The following ATL3 variants were observed in gnomAD, a reference collection of about 807,000 sequenced individuals.
The protein encoded by ATL3 is atlastin-3.
In ATL3, 49 loss-of-function variants were observed where a neutral mutation model predicts 69.5. The observed-to-expected ratio is 0.71, with a 90% CI of 0.56 to 0.89. ATL3 has a LOEUF of 0.89. Among genes scored for constraint, ATL3 ranks in the 40% least tolerant of loss-of-function variants. The pLI is 0.00. For missense variants in ATL3, 606 were observed against 645.7 expected (o/e 0.94, Z 0.67); for synonymous variants, 214 against 224.1 (o/e 0.95, Z 0.40).
intron 1 of ATL3, among the ~76,000 whole-genome samples, chr11:63,660,504 T>C (rs1299350328): frequency 6.6e-6 from 1 of 152,162 alleles, no homozygotes; most frequent in Non-Finnish European, 1.5e-5. Flanking sequence ...TTCAAAAAAC[T>C]GTTTGGCTGT....
At position 63,632,474 on chromosome 11, in the gene ATL3, T is replaced by C; in HGVS notation, c.1107+552A>G. ...CCAACATCAAATATTTGTAAAAGAG[T>C]AACTGGTTTGGAAGGAGACAAAATC... is the stretch of plus-strand genomic sequence containing the variant. On this transcript the variant is annotated intron_variant, in intron 11 of 12. Coordinates refer to ENST00000398868, the MANE Select transcript of ATL3 (RefSeq NM_015459.5). 7.0e-6 allele frequency: 6 copies of C among 852,644 alleles called. No homozygotes were observed. The South Asian group carries it at 7.9e-5, about 11-fold the overall frequency. 52.8% of individuals were successfully genotyped at this position (852,644 alleles called of 1,614,324 possible).
chr11:63,625,537 T>C lies in ATL3; in HGVS notation c.*3782A>G, dbSNP rs1000943878. On this transcript the variant is annotated 3_prime_UTR_variant, in exon 13 of 13. Transcript: ENST00000398868. ...ACTTAATTTTGCTATAACTCATACA[T>C]ACATACATACTTATCCAAACTCACC... is the stretch of plus-strand genomic sequence containing the variant. The C allele has an allele frequency of 6.6e-6, 1 of 152,224 alleles. No individual in the cohort carries two copies. The highest frequency in any genetic ancestry group is 1.5e-5 in the Non-Finnish European group (1 of 68,044). 9.4% of individuals were successfully genotyped at this position (152,224 alleles called of 1,614,324 possible).
intron 3 of ATL3, among the ~76,000 whole-genome samples, chr11:63,655,458 T>TC (rs1234847878): frequency 6.6e-6 from 1 of 151,356 alleles, no homozygotes; most frequent in East Asian, 1.9e-4. Context: ...GCCTTTTTTT[T>TC]TTTTTTTAGA....
intron 1 of ATL3, 112 bp from the exon 2 acceptor site, chr11:63,659,364 T>C: frequency 1.2e-6 from 1 of 838,824 alleles, no homozygotes; most frequent in Non-Finnish European, 1.9e-6. Context: ...CAATGGCTCA[T>C]GCCTATAATC....
At chr11:63,644,128 T>C (rs774479470) in intron 7 of ATL3, 41 bp downstream of exon 7, 1 of 1,328,944 alleles carries the variant, frequency 7.5e-7, no homozygotes, top group East Asian at 2.3e-5. Flanking sequence ...AAGCTATCAC[T>C]ACTTTGAGAT....
chr11:63,657,323 G>A (rs575959064), intron 3 of ATL3, among the ~76,000 whole-genome samples: 2 of 151,888 alleles, frequency 1.3e-5, no homozygotes, highest in African/African-American at 4.8e-5. Context: ...TACCCCTCCC[G>A]ATCCTTACAA....
intron 5 of ATL3, among the ~76,000 whole-genome samples, chr11:63,649,103 C>T (rs1939985621): frequency 2.0e-5 from 3 of 151,952 alleles, no homozygotes; most frequent in African/African-American, 7.3e-5. Context: ...CCAGCCTGGG[C>T]AACTGAGGGA....
At chr11:63,648,477 G>A (rs1250388679) in intron 5 of ATL3, among the ~76,000 whole-genome samples, 4 of 152,164 alleles carry the variant, frequency 2.6e-5, no homozygotes, top group African/African-American at 9.7e-5. Flanking sequence ...ATTGTTAGTG[G>A]CTCTCTCTTA....
At chr11:63,638,828 A>G (rs1312647904) in intron 8 of ATL3, among the ~76,000 whole-genome samples, 2 of 152,218 alleles carry the variant, frequency 1.3e-5, no homozygotes. Flanking sequence ...GCAGGCATCT[A>G]CCTCTAAATA....
At chr11:63,671,390 G>A (rs755629363), upstream of ATL3, 1 of 1,541,530 alleles carries the variant, frequency 6.5e-7, no homozygotes, top group Non-Finnish European at 8.7e-7. Flanking sequence ...AGGGACGGGT[G>A]CGGGCGGGAA....
intron 10 of ATL3, 126 bp downstream of exon 10, chr11:63,635,408 T>G: frequency 1.2e-6 from 1 of 800,360 alleles, no homozygotes; most frequent in Non-Finnish European, 2.0e-6. Context: ...AAAAAAAAAT[T>G]AACAGACCTC....
At chr11:63,643,671 C>T (rs1159223572) in intron 7 of ATL3, among the ~76,000 whole-genome samples, 176 bp from the exon 8 acceptor site, 1 of 152,112 alleles carries the variant, frequency 6.6e-6, no homozygotes, top group African/African-American at 2.4e-5. Context: ...TTACCTACGG[C>T]TTGACTCCTA....
intron 1 of ATL3, 100 bp from the exon 2 acceptor site, chr11:63,659,352 C>T: frequency 1.1e-6 from 1 of 934,552 alleles, no homozygotes; most frequent in East Asian, 2.6e-5. Flanking sequence ...CAGGGCCAGG[C>T]TCAATGGCTC....
rs769916347 is a variant in ATL3 at position 63,659,164 on chromosome 11, G to A, written c.135C>T (p.Ala45=). Residue 45 remains alanine, a synonymous_variant, in exon 2 of 13, where the codon GCC becomes GCT. Coordinates refer to ENST00000398868, the MANE Select transcript of ATL3 (RefSeq NM_015459.5). ...GGTCCTGCAAGAGGATGCTGGCCAA[G>A]GCTTTCTCATCTAGCTCAAAGGAAT... ...DQHSFELDEK[A]LASILLQDHI... is the part of the protein sequence containing the mutation. The A allele has an allele frequency of 1.2e-6, 2 of 1,614,048 alleles. No individual in the cohort carries two copies. The highest frequency in any genetic ancestry group is 2.2e-5 in the South Asian group (2 of 91,086).
At chr11:63,661,502 G>T (rs948700271) in intron 1 of ATL3, among the ~76,000 whole-genome samples, 9 of 152,138 alleles carry the variant, frequency 5.9e-5, no homozygotes, top group Admixed American at 2.6e-4. Flanking sequence ...CTAGCACTTA[G>T]AGAAGCTGAG....
Position 63,627,864 on chromosome 11 carries a change from G to C in ATL3, c.*1455C>G, listed in dbSNP as rs150841684. On this transcript the variant is annotated 3_prime_UTR_variant, in exon 13 of 13. Transcript: ENST00000398868. ...TCTTAAAGCTACCAGACTAGCCAAA[G>C]TAAAATTAAATAGATAATTCACTAA... 1 of 152,186 alleles carries C rather than the reference G, an allele frequency of 6.6e-6. No individual in the cohort carries two copies. The highest frequency in any genetic ancestry group is 1.5e-5 in the Non-Finnish European group (1 of 68,026). The allele number at this position is 152,186 out of a possible 1,614,324, so 9.4% of individuals were successfully genotyped here.
intron 10 of ATL3, 61 bp from the exon 11 acceptor site, chr11:63,633,158 A>G: frequency 7.2e-7 from 1 of 1,384,654 alleles, no homozygotes; most frequent in Non-Finnish European, 1.0e-6. Flanking sequence ...CTCCACAAAT[A>G]ACCTAACAAA....
chr11:63,639,796 T>C (rs1020641091), intron 8 of ATL3, among the ~76,000 whole-genome samples: 2 of 152,120 alleles, frequency 1.3e-5, no homozygotes, highest in Admixed American at 6.5e-5. Context: ...CATGAATGCA[T>C]ACAAATTTTA....
intron 5 of ATL3, among the ~76,000 whole-genome samples, chr11:63,649,657 G>C (rs550618183): frequency 6.6e-6 from 1 of 150,680 alleles, no homozygotes; most frequent in African/African-American, 2.4e-5. Flanking sequence ...TCAGCCTCCC[G>C]AGTAGCTGCG....
Sources: allele counts gnomAD v4.1 joint callset (sites outside exome capture counted in the v4.1 genomes callset), GRCh38; gene constraint gnomAD v4.1.1; transcripts MANE v1.5; gene names NCBI Gene and HGNC (gene_info 2026-07-23, HGNC 2026-07-21).